CSMD1: variants seen among roughly 807,000 people sequenced by gnomAD.
The protein encoded by CSMD1 is CUB and sushi domain-containing protein 1.
In CSMD1, 213 loss-of-function variants were observed where a neutral mutation model predicts 417.5. The observed-to-expected ratio is 0.51, with a 90% CI of 0.46 to 0.57. The LOEUF (loss-of-function observed/expected upper bound fraction) is 0.57. CSMD1 is among the 20% of genes least tolerant of loss of function. The pLI is 0.00. For missense variants in CSMD1, 6,923 were observed against 4,529.7 expected, an observed-to-expected ratio of 1.53 and a Z score of -15.17; for synonymous variants, 2,862 against 1,736.8, an observed-to-expected ratio of 1.65 and a Z score of -16.11.
At chr8:3,301,741 T>C (rs1804423597) in intron 25 of CSMD1, among the ~76,000 whole-genome samples, 1 of 152,178 alleles carries the variant, frequency 6.6e-6, no homozygotes, top group Non-Finnish European at 1.5e-5. Context: ...ATTATGGTTC[T>C]GGGTAAGGAG....
intron 4 of CSMD1, among the ~76,000 whole-genome samples, chr8:4,026,811 G>T (rs1477040044): frequency 6.6e-6 from 1 of 152,156 alleles, no homozygotes; most frequent in Non-Finnish European, 1.5e-5. Context: ...TAAGATTTAT[G>T]GCTGTAGGGA....
chr8:3,138,312 A>C (rs181225049), intron 41 of CSMD1, among the ~76,000 whole-genome samples: 6,609 of 152,142 alleles, frequency 0.043, 182 homozygotes, highest in Non-Finnish European at 0.066. Flanking sequence ...AGGGAACTCT[A>C]CTCCTGTAGA....
At chr8:3,411,263 A>G (rs1812682200) in intron 12 of CSMD1, among the ~76,000 whole-genome samples, 1 of 152,154 alleles carries the variant, frequency 6.6e-6, no homozygotes, top group Non-Finnish European at 1.5e-5. Context: ...CATTGGTTTT[A>G]CTTTTAGAAT....
rs749005777 is a variant in CSMD1, at chr8:2,942,549, G to C, written c.10458C>G (p.Gly3486=). ...SSSHYHGTSS[G]SVAAAILVPF... The stretch of plus-strand genomic sequence containing the variant: ...GAACCAGAATGGCAGCCGCCACAGA[G>C]CCACTGCTGGTGCCGTGGTAATGAC... The change falls in exon 69 of 70, where the codon GGC becomes GGG. Residue 3486 remains glycine, a synonymous_variant. Transcript: ENST00000635120. 7.5e-6 allele frequency: 12 copies of C among 1,608,714 alleles called. No individual in the cohort carries two copies. The Middle Eastern group carries it at 8.2e-4, about 110-fold the overall frequency.
chr8:3,631,822 G>T (rs541593538), intron 7 of CSMD1, among the ~76,000 whole-genome samples: 2 of 152,234 alleles, frequency 1.3e-5, no homozygotes, highest in East Asian at 3.9e-4. Context: ...AGGTCAACAA[G>T]TGACTTGACA....
chr8:4,843,880 C>T (rs1800980644), intron 1 of CSMD1, among the ~76,000 whole-genome samples: 1 of 152,136 alleles, frequency 6.6e-6, no homozygotes, highest in Non-Finnish European at 1.5e-5. Context: ...CAAAGCCTTA[C>T]CTAACACACC....
At chr8:4,908,965 T>C (rs1319459180) in intron 1 of CSMD1, among the ~76,000 whole-genome samples, 1 of 152,202 alleles carries the variant, frequency 6.6e-6, no homozygotes, top group Non-Finnish European at 1.5e-5. Context: ...TCCTTGCCTT[T>C]AGCATGCCCC....
intron 41 of CSMD1, among the ~76,000 whole-genome samples, chr8:3,134,181 G>GA (rs60113606): frequency 0.1 from 15,812 of 151,398 alleles, 1,163 homozygotes; most frequent in African/African-American, 0.22. Flanking sequence ...AAAAAAACAA[G>GA]AAAAAAAAGA....
intron 7 of CSMD1, among the ~76,000 whole-genome samples, chr8:3,682,193 G>T (rs1261983004): frequency 6.6e-6 from 1 of 152,120 alleles, no homozygotes; most frequent in Admixed American, 6.6e-5. Flanking sequence ...TGACAAATGG[G>T]ATCTAATTAA....
At chr8:3,395,888 TC>T (rs1811660921) in intron 17 of CSMD1, among the ~76,000 whole-genome samples, 2 of 152,222 alleles carry the variant, frequency 1.3e-5, no homozygotes, top group African/African-American at 4.8e-5. Flanking sequence ...AAGTACATTT[TC>T]TAATAATAGA....
At chr8:3,409,401 C>T in intron 13 of CSMD1, 22 bp downstream of exon 13, 1 of 1,587,816 alleles carries the variant, frequency 6.3e-7, no homozygotes, top group Non-Finnish European at 8.6e-7. Flanking sequence ...GGAGGGAGTC[C>T]AGGTCAAGGC....
intron 5 of CSMD1, among the ~76,000 whole-genome samples, chr8:3,925,896 T>C (rs957667080): frequency 6.6e-6 from 1 of 152,056 alleles, no homozygotes; most frequent in African/African-American, 2.4e-5. Context: ...TTTTTAAATA[T>C]ATACTATCTG....
chr8:4,932,207 G>A (rs920905199), intron 1 of CSMD1, among the ~76,000 whole-genome samples: 7 of 151,172 alleles, frequency 4.6e-5, no homozygotes, highest in African/African-American at 1.7e-4. Context: ...CTTTGAATTT[G>A]CTCCCTTCAT....
chr8:3,638,489 T>C (rs924915279), intron 7 of CSMD1, among the ~76,000 whole-genome samples: 1 of 151,512 alleles, frequency 6.6e-6, no homozygotes, highest in African/African-American at 2.4e-5. Context: ...GGAGACGTGA[T>C]GATAATGATG....
At chr8:3,259,263 CG>C (rs1307381536) in intron 26 of CSMD1, among the ~76,000 whole-genome samples, 1 of 152,180 alleles carries the variant, frequency 6.6e-6, no homozygotes, top group Non-Finnish European at 1.5e-5. Flanking sequence ...GAATGGAAGA[CG>C]TATGCATTTA....
chr8:3,394,057 GA>G (rs1173742478), intron 17 of CSMD1, among the ~76,000 whole-genome samples: 2 of 80,996 alleles, frequency 2.5e-5, no homozygotes, highest in Non-Finnish European at 5.1e-5. Context: ...TATATATATA[GA>G]AAAAAAGAAA....
At chr8:4,578,332 A>ATTTTTTTTTTTTTTTTTTTTT (rs1172600205) in intron 2 of CSMD1, among the ~76,000 whole-genome samples, 5 of 48,768 alleles carry the variant, frequency 1.0e-4, no homozygotes, top group African/African-American at 3.1e-4. Flanking sequence ...CACCCGGCTC[A>ATTTTTTTTTTTTTTTTTTTTT]TTTTTTTTTT....
At chr8:4,944,972 A>G (rs1808273349) in intron 1 of CSMD1, among the ~76,000 whole-genome samples, 1 of 152,204 alleles carries the variant, frequency 6.6e-6, no homozygotes, top group African/African-American at 2.4e-5. Context: ...TATCAGAGCT[A>G]TTCAAAACAG....
chr8:2,951,037 T>A (rs6994346), intron 66 of CSMD1, 77 bp downstream of exon 66: 1 of 1,453,350 alleles, frequency 6.9e-7, no homozygotes, highest in Non-Finnish European at 9.3e-7. Flanking sequence ...TAATACTTAC[T>A]AGATCACCTC....
Sources: allele counts gnomAD v4.1 joint callset (sites outside exome capture counted in the v4.1 genomes callset), GRCh38; gene constraint gnomAD v4.1.1; transcripts MANE v1.5; gene names NCBI Gene and HGNC (gene_info 2026-07-23, HGNC 2026-07-21).